The following FHOD3 variants were observed in gnomAD, a reference collection of about 807,000 sequenced individuals.
The protein encoded by FHOD3 is formin homology 2 domain containing 3.
FHOD3 carries 90 observed loss-of-function variants against 173.0 expected under a neutral mutation model. The observed-to-expected ratio is 0.52, with a 90% CI of 0.44 to 0.62. The LOEUF (loss-of-function observed/expected upper bound fraction) is 0.62. Among genes scored for constraint, FHOD3 ranks in the 20% least tolerant of loss-of-function variants. The pLI, the probability that FHOD3 is intolerant of heterozygous loss-of-function variation, is 0.00. For synonymous variants in FHOD3, 828 were observed against 823.0 expected (o/e 1.01, Z -0.10); for missense variants, 1,945 against 2,034.7 (o/e 0.96, Z 0.85).
chr18:36,632,166 G>C (rs1364759466), intron 10 of FHOD3, among the ~76,000 whole-genome samples: 1 of 152,174 alleles, frequency 6.6e-6, no homozygotes, highest in Non-Finnish European at 1.5e-5. Flanking sequence ...CACAAAGGCT[G>C]TATGGTTTTA....
intron 2 of FHOD3, among the ~76,000 whole-genome samples, chr18:36,371,771 C>T (rs2047202679): frequency 6.6e-6 from 1 of 152,214 alleles, no homozygotes. Flanking sequence ...GGCAGGAAAG[C>T]ACTGCCAGAT....
At chr18:36,476,541 G>GC (rs1435490617) in intron 3 of FHOD3, among the ~76,000 whole-genome samples, 1 of 152,038 alleles carries the variant, frequency 6.6e-6, no homozygotes, top group Non-Finnish European at 1.5e-5. Flanking sequence ...CTGTCTTTTG[G>GC]CCCCCCATAG....
Position 36,406,409 on chromosome 18 carries a change from T to C in FHOD3, c.337+33665T>C, listed in dbSNP as rs543194739. 2.6e-5 allele frequency among the ~76,000 whole-genome samples: 4 copies of C among 152,308 alleles called. No individual in the cohort carries two copies. In the East Asian group the frequency reaches 7.7e-4, roughly 29 times the overall value. ...GTAAGAGTTTTCCTCTCAGCGTTTATGGGCCTCAAAACAGCCTTGGCATGT... is the reference window on the plus strand; with the variant it reads ...GTAAGAGTTTTCCTCTCAGCGTTTACGGGCCTCAAAACAGCCTTGGCATGT... On this transcript the variant is annotated intron_variant, in intron 3 of 28. Coordinates refer to ENST00000590592, the MANE Select transcript of FHOD3 (RefSeq NM_001281740.3).
At chr18:36,758,248 T>C (rs2042717577) in intron 25 of FHOD3, among the ~76,000 whole-genome samples, 1 of 152,224 alleles carries the variant, frequency 6.6e-6, no homozygotes, top group Non-Finnish European at 1.5e-5. Context: ...TCCAAAAGCA[T>C]AGTTCATTCT....
At chr18:36,465,826 GT>G (rs1194560464) in intron 3 of FHOD3, among the ~76,000 whole-genome samples, 1 of 152,088 alleles carries the variant, frequency 6.6e-6, no homozygotes, top group South Asian at 2.1e-4. Flanking sequence ...GAGAGAGGTG[GT>G]TTTTCCTTCT....
intron 3 of FHOD3, among the ~76,000 whole-genome samples, chr18:36,451,876 G>T (rs376156287): frequency 6.6e-6 from 1 of 152,172 alleles, no homozygotes; most frequent in Non-Finnish European, 1.5e-5. Flanking sequence ...TGGGTTCTGA[G>T]GGGGGTAGTG....
At chr18:36,502,436 C>T (rs1166295833) in intron 4 of FHOD3, among the ~76,000 whole-genome samples, 3 of 152,038 alleles carry the variant, frequency 2.0e-5, no homozygotes, top group Admixed American at 6.6e-5. Flanking sequence ...GTGTGATGTT[C>T]CCCTCCCTCT....
At chr18:36,773,410 T>C (rs2043482399) in intron 28 of FHOD3, among the ~76,000 whole-genome samples, 1 of 152,250 alleles carries the variant, frequency 6.6e-6, no homozygotes, top group Non-Finnish European at 1.5e-5. Flanking sequence ...GCCATGCACC[T>C]GACCGAAGGA....
chr18:36,665,390 T>TA (rs1187999282), intron 14 of FHOD3, among the ~76,000 whole-genome samples: 5 of 152,256 alleles, frequency 3.3e-5, no homozygotes, highest in African/African-American at 1.2e-4. Context: ...CATCTGCAAA[T>TA]AAAGAGTTTC....
intron 2 of FHOD3, among the ~76,000 whole-genome samples, chr18:36,365,335 C>T (rs2046846646): frequency 6.6e-6 from 1 of 152,200 alleles, no homozygotes; most frequent in South Asian, 2.1e-4. Flanking sequence ...ACACAAGCCA[C>T]AGAATGGGAG....
chr18:36,480,748 C>T (rs145625053), intron 3 of FHOD3, among the ~76,000 whole-genome samples: 1 of 152,178 alleles, frequency 6.6e-6, no homozygotes, highest in Non-Finnish European at 1.5e-5. Context: ...TAGAATAGAC[C>T]AACCTCCATA....
rs116190612 is a variant in FHOD3 at position 36,476,128 on chromosome 18, T to A, written c.338-25804T>A. ...CCTATTACTCCTCTGCTGAGCCCTG[T>A]TTTTTGACAGGCACAGTGCTGAGTG... On this transcript the variant is annotated intron_variant, in intron 3 of 28. Transcript: ENST00000590592. Among the ~76,000 whole-genome samples, 677 of 152,264 alleles carry A rather than the reference T, an allele frequency of 4.4e-3. 8 individuals carry two copies. Among genetic ancestry groups the A allele is most frequent in the African/African-American group, 0.016 (646 of 41,554 alleles).
At chr18:36,354,054 A>G (rs1011511509) in intron 1 of FHOD3, among the ~76,000 whole-genome samples, 1 of 152,140 alleles carries the variant, frequency 6.6e-6, no homozygotes, top group African/African-American at 2.4e-5. Flanking sequence ...GCTGATCAAT[A>G]CTCAGTTATG....
chr18:36,316,958 G>T (rs2044160181), intron 1 of FHOD3, among the ~76,000 whole-genome samples: 1 of 151,430 alleles, frequency 6.6e-6, no homozygotes, highest in Non-Finnish European at 1.5e-5. Context: ...CCACTTATGA[G>T]TGAGAACATG....
At chr18:36,443,760 T>C (rs2051290677) in intron 3 of FHOD3, among the ~76,000 whole-genome samples, 1 of 152,198 alleles carries the variant, frequency 6.6e-6, no homozygotes, top group Admixed American at 6.5e-5. Context: ...ATATTTACTT[T>C]CCTGTCTCTA....
chr18:36,624,296 A>G (rs2033927583), intron 9 of FHOD3, among the ~76,000 whole-genome samples: 2 of 152,200 alleles, frequency 1.3e-5, no homozygotes, highest in African/African-American at 2.4e-5. Flanking sequence ...GGGCAATTCT[A>G]TTACCTTCAT....
At chr18:36,696,061 A>G (rs145084532) in intron 17 of FHOD3, among the ~76,000 whole-genome samples, 20 of 152,244 alleles carry the variant, frequency 1.3e-4, no homozygotes, top group African/African-American at 4.8e-4. Context: ...TACGCTTCAC[A>G]TTTTTGTAGT....
At chr18:36,406,560 A>G (rs2091741100) in intron 3 of FHOD3, among the ~76,000 whole-genome samples, 1 of 152,154 alleles carries the variant, frequency 6.6e-6, no homozygotes, top group African/African-American at 2.4e-5. Context: ...TGTTTGGGTT[A>G]GCAAACTCTT....
intron 1 of FHOD3, among the ~76,000 whole-genome samples, chr18:36,336,161 G>T (rs2045298343): frequency 6.6e-6 from 1 of 152,136 alleles, no homozygotes; most frequent in East Asian, 1.9e-4. Context: ...AAATAAGCAG[G>T]CGGTGGTGCT....
Sources: gnomAD v4.1 joint callset for allele counts (sites outside exome capture counted in the v4.1 genomes callset) on GRCh38, gnomAD v4.1.1 for gene constraint, MANE v1.5 for transcripts, NCBI Gene and HGNC (gene_info 2026-07-23, HGNC 2026-07-21) for gene names.